MYSM1: variants seen among roughly 807,000 people sequenced by gnomAD.
MYSM1 encodes deubiquitinase MYSM1.
Under a neutral mutation model 116.0 loss-of-function variants are expected in MYSM1, and 51 were observed. That is an observed-to-expected ratio of 0.44 (90% confidence interval 0.35 to 0.56). The LOEUF is 0.56. Ranked by LOEUF, MYSM1 falls within the 20% of genes least tolerant of loss-of-function variation. The pLI, the probability that MYSM1 is intolerant of heterozygous loss-of-function variation, is 0.00. For missense variants in MYSM1, 900 were observed against 974.9 expected (o/e 0.92, Z 1.02); for synonymous variants, 313 against 315.2 (o/e 0.99, Z 0.07).
At chr1:58,670,020 C>T (rs1168253123) in intron 12 of MYSM1, among the ~76,000 whole-genome samples, 2 of 151,964 alleles carry the variant, frequency 1.3e-5, no homozygotes, top group Admixed American at 1.3e-4. Context: ...GAAAGAAAAA[C>T]ACACAGGAAT....
chr1:58,661,969 T>TA (rs1644399142), intron 17 of MYSM1, among the ~76,000 whole-genome samples: 1 of 151,414 alleles, frequency 6.6e-6, no homozygotes, highest in Admixed American at 6.6e-5. Context: ...TGTAAGTTAT[T>TA]GTTTTTTTTT....
At chr1:58,694,482 G>A (rs1223521367) in intron 2 of MYSM1, among the ~76,000 whole-genome samples, 1 of 152,050 alleles carries the variant, frequency 6.6e-6, no homozygotes, top group African/African-American at 2.4e-5. Context: ...TTAGCTGGGC[G>A]GGGTGGCACA....
At chr1:58,696,726 G>T (rs993717181) in intron 1 of MYSM1, among the ~76,000 whole-genome samples, 3 of 152,098 alleles carry the variant, frequency 2.0e-5, no homozygotes, top group Non-Finnish European at 4.4e-5. Flanking sequence ...TAGGATTGCT[G>T]TCTATGTTAT....
In MYSM1 at chr1:58,682,085, A is replaced by G. The variant is rs778467199; in HGVS notation, c.959T>C (p.Ile320Thr). 1.9e-6 allele frequency: 3 copies of G among 1,614,084 alleles called. No individual in the cohort carries two copies. Residue 320 changes from isoleucine (I) to threonine (T), a missense_variant, in exon 8 of 20, where the codon ATT becomes ACT. Ile to Thr is a moderately conservative substitution (Grantham distance 89). This residue lies in a region of MYSM1 where 622 missense variants were observed against 623.7 expected (regional missense o/e 1.00). Transcript: ENST00000472487. Reference protein sequence around the residue: ...ELNDQKFNELIKNCNKHDGRG... With the variant: ...ELNDQKFNELTKNCNKHDGRG... Reference sequence around the variant, plus strand: ...TCCATCATGCTTGTTGCAGTTTTTAATCAATTCATTAAATTTCTGGTCATT... The same window carrying G: ...TCCATCATGCTTGTTGCAGTTTTTAGTCAATTCATTAAATTTCTGGTCATT...
At chr1:58,677,150 A>C (rs948808293) in intron 8 of MYSM1, 94 bp from the exon 9 acceptor site, 1 of 1,100,932 alleles carries the variant, frequency 9.1e-7, no homozygotes, top group African/African-American at 1.6e-5. Context: ...ATATCTCTAA[A>C]TTTTAACCCC....
chr1:58,677,147 T>A, intron 8 of MYSM1, 91 bp from the exon 9 acceptor site: 1 of 1,174,940 alleles, frequency 8.5e-7, no homozygotes, highest in Non-Finnish European at 1.2e-6. Flanking sequence ...GAAATATCTC[T>A]AAATTTTAAC....
intron 8 of MYSM1, among the ~76,000 whole-genome samples, chr1:58,678,881 C>G (rs1169883228): frequency 6.6e-6 from 1 of 152,152 alleles, no homozygotes; most frequent in Admixed American, 6.5e-5. Context: ...AATAATGAGT[C>G]AAGACTGCAG....
intron 5 of MYSM1, chr1:58,689,612 A>C (rs1644875093): frequency 6.6e-6 from 1 of 152,620 alleles, no homozygotes; most frequent in African/African-American, 2.4e-5. Flanking sequence ...AATTAAAAAT[A>C]AAACTGATGA....
At position 58,695,136 on chromosome 1, in the gene MYSM1, C is replaced by A. The variant is rs1644956542; in HGVS notation, c.140G>T (p.Gly47Val). Residue 47 changes from glycine to valine, a missense_variant, in exon 2 of 20, where the codon GGC becomes GTC. Around this residue, in one of 3 missense-constraint regions of MYSM1, gnomAD observed 622 missense variants for 623.7 expected, o/e 1.00. Transcript: ENST00000472487. ...TTTTTATAAAATACTTACAATAAGG[C>A]CATTCTCTGTTCTCCAAGATGAATC... ...YLDSSWRTEN[G>V]LIPWTLDNTI... is the part of the protein sequence containing the mutation. 1 of 1,590,372 alleles carries A rather than the reference C, an allele frequency of 6.3e-7. No homozygotes were observed. The highest frequency in any genetic ancestry group is 8.6e-7 in the Non-Finnish European group (1 of 1,159,736).
chr1:58,673,643 C>A lies in MYSM1; in HGVS notation c.1502G>T (p.Arg501Met). ...LAQRLQSMRT[R>M]RRRVRDPWGN... ...CCATGGGTCTCGGACCCTACGTCTC[C>A]TTGTACGCTGCGATGAGATTAAAGT... Residue 501 changes from arginine (R) to methionine (M), a missense_variant, in exon 11 of 20, where the codon AGG (arginine) becomes ATG (methionine). Transcript: ENST00000472487. 6.2e-7 allele frequency: 1 copy of A among 1,613,820 alleles called. No individual in the cohort carries two copies. The highest frequency in any genetic ancestry group is 8.5e-7 in the Non-Finnish European group (1 of 1,179,810).
chr1:58,682,631 G>T, intron 7 of MYSM1, 86 bp from the exon 8 acceptor site: 1 of 1,261,872 alleles, frequency 7.9e-7, no homozygotes, highest in Non-Finnish European at 1.1e-6. Context: ...TAAATATACA[G>T]TGTTATTAAA....
chr1:58,672,045 A>G, intron 11 of MYSM1, 87 bp from the exon 12 acceptor site: 1 of 1,035,308 alleles, frequency 9.7e-7, no homozygotes, highest in Non-Finnish European at 1.5e-6. Flanking sequence ...ATTGAAGGGC[A>G]TGTGAGGACA....
intron 16 of MYSM1, among the ~76,000 whole-genome samples, chr1:58,665,910 A>G (rs1261883620): frequency 6.6e-6 from 1 of 152,130 alleles, no homozygotes; most frequent in Admixed American, 6.5e-5. Flanking sequence ...TAAAAAAATT[A>G]GCCAGGTGTA....
chr1:58,699,567 G>T, intron 1 of MYSM1: 1 of 941,938 alleles, frequency 1.1e-6, no homozygotes, highest in African/African-American at 1.8e-5. Flanking sequence ...AAGAAGGGAT[G>T]AAACGACTCG....
In MYSM1 at chr1:58,692,851, T is replaced by A; in HGVS notation, c.218+10A>T. 1 of 1,597,372 alleles carries A rather than the reference T, an allele frequency of 6.3e-7. No homozygotes were observed. The highest frequency in any genetic ancestry group is 1.1e-5 in the South Asian group (1 of 87,650). ...AAACCTGTACTTTCCTCATAATCAT[T>A]AAAGGATACTCTTCTTCCAACAACA... On this transcript the variant is annotated intron_variant, in intron 3 of 19. Coordinates refer to ENST00000472487, the MANE Select transcript of MYSM1 (RefSeq NM_001085487.3).
At chr1:58,660,271 ACT>A (rs2100583250) in intron 19 of MYSM1, 116 bp from the exon 20 acceptor site, 1 of 565,178 alleles carries the variant, frequency 1.8e-6, no homozygotes, top group African/African-American at 1.9e-5. Context: ...AATGAGAAAC[ACT>A]CTCCTTAAAA....
At chr1:58,660,811 T>C (rs1293341470) in intron 19 of MYSM1, among the ~76,000 whole-genome samples, 1 of 152,142 alleles carries the variant, frequency 6.6e-6, no homozygotes, top group East Asian at 1.9e-4. Context: ...TTAAATTTAA[T>C]TGTTAGATTT....
rs1373883906 is a variant in MYSM1 at position 58,658,560 on chromosome 1, C to A, written c.*1437G>T. On this transcript the variant is annotated 3_prime_UTR_variant, in exon 20 of 20. Coordinates refer to ENST00000472487, the MANE Select transcript of MYSM1 (RefSeq NM_001085487.3). ...AACCAGGTCACCTAAAGCTGACTCACTGCTTCTTCCAATACTCCTTATTCT... is the reference window on the plus strand; with the variant it reads ...AACCAGGTCACCTAAAGCTGACTCAATGCTTCTTCCAATACTCCTTATTCT... 1 of 152,118 alleles carries A rather than the reference C, an allele frequency of 6.6e-6. No homozygotes were observed. Among genetic ancestry groups the A allele is most frequent in the African/African-American group, 2.4e-5 (1 of 41,422 alleles). 9.4% of individuals were successfully genotyped at this position (152,118 alleles called of 1,614,324 possible). A position where few individuals can be genotyped will look rare whatever the true frequency, so the allele number is the denominator to read the frequency against.
At chr1:58,675,428 C>CAGAGTAAGCAGCAATGTGG in intron 10 of MYSM1, 49 bp downstream of exon 10, 1 of 1,369,494 alleles carries the variant, frequency 7.3e-7, no homozygotes, top group Non-Finnish European at 1.0e-6. Flanking sequence ...CCACACTAAA[C>CAGAGTAAGCAGCAATGTGG]AGAGTAAGCA....
Sources: allele counts gnomAD v4.1 joint callset (sites outside exome capture counted in the v4.1 genomes callset), GRCh38; gene constraint gnomAD v4.1.1; regional missense constraint gnomAD v4.1.1; transcripts MANE v1.5; gene names NCBI Gene and HGNC (gene_info 2026-07-23, HGNC 2026-07-21).